The following DPP6 variants were observed in gnomAD, a reference collection of about 807,000 sequenced individuals.
DPP6 encodes A-type potassium channel modulatory protein DPP6.
DPP6 carries 69 observed loss-of-function variants against 122.6 expected under a neutral mutation model. The ratio of observed to expected loss-of-function variants is 0.56; its 90% CI spans 0.46 to 0.69. The LOEUF (loss-of-function observed/expected upper bound fraction) is 0.69. DPP6 is among the 30% of genes least tolerant of loss of function. The pLI, the probability that DPP6 is intolerant of heterozygous loss-of-function variation, is 0.00. For missense variants in DPP6, 928 were observed against 1,116.9 expected (o/e 0.83, Z 2.41); for synonymous variants, 418 against 433.1 (o/e 0.97, Z 0.43).
intron 1 of DPP6, among the ~76,000 whole-genome samples, chr7:154,005,638 C>T (rs1797880747): frequency 6.6e-6 from 1 of 150,826 alleles, no homozygotes; most frequent in African/African-American, 2.4e-5. Flanking sequence ...GGTGACGTCG[C>T]CCAGGAGGCT....
At chr7:154,256,684 G>A (rs1006449624) in intron 1 of DPP6, among the ~76,000 whole-genome samples, 1 of 152,152 alleles carries the variant, frequency 6.6e-6, no homozygotes, top group African/African-American at 2.4e-5. Flanking sequence ...CTCCTACACT[G>A]TGGTAAGTCC....
rs1381925814 is a variant in DPP6 at position 154,063,599 on chromosome 7, AGTG to A, written c.243+10537_243+10539del. Among the ~76,000 whole-genome samples, 567 of 62,206 alleles carry A rather than the reference AGTG, an allele frequency of 9.1e-3. 43 individuals carry two copies. The highest frequency in any genetic ancestry group is 0.05 in the East Asian group (123 of 2,482). The allele number at this position is 62,206 out of a possible 152,430, so 40.8% of individuals were successfully genotyped here. On this transcript the variant is annotated intron_variant, in intron 1 of 25. Transcript: ENST00000377770. ...CTCTGGCTGATAGTACCCCCATCGCAGTGAGGGAGGCACCCCCCACGAGGCAGG... is the reference window on the plus strand; with the variant it reads ...CTCTGGCTGATAGTACCCCCATCGCAAGGGAGGCACCCCCCACGAGGCAGG...
chr7:154,614,956 T>C (rs1284422712), intron 5 of DPP6, among the ~76,000 whole-genome samples: 1 of 152,224 alleles, frequency 6.6e-6, no homozygotes, highest in Non-Finnish European at 1.5e-5. Flanking sequence ...GGCAAATACA[T>C]GTGGAGTCCA....
At chr7:153,841,560 T>C in the DPP6 span, among the ~76,000 whole-genome samples, 1 of 152,210 alleles carries the variant, frequency 6.6e-6, no homozygotes, top group South Asian at 2.1e-4. Context: ...TCTTGTGAAA[T>C]AATGGGATGG....
At chr7:154,679,427 G>A (rs2131158935) in intron 7 of DPP6, among the ~76,000 whole-genome samples, 1 of 152,216 alleles carries the variant, frequency 6.6e-6, no homozygotes, top group African/African-American at 2.4e-5. Context: ...TCCAGTCCAG[G>A]AAGCCTGCAT....
Position 154,863,344 on chromosome 7 carries a change from ATT to A in DPP6, c.1715-4637_1715-4636del, listed in dbSNP as rs36007704. Among the ~76,000 whole-genome samples, 3 of 141,454 alleles carry A rather than the reference ATT, an allele frequency of 2.1e-5. No homozygotes were observed. Among genetic ancestry groups the A allele is most frequent in the Non-Finnish European group, 3.1e-5 (2 of 65,068 alleles). The allele number at this position is 141,454 out of a possible 152,430, so 92.8% of individuals were successfully genotyped here. A position where few individuals can be genotyped will look rare whatever the true frequency, so the allele number is the denominator to read the frequency against. On this transcript the variant is annotated intron_variant, in intron 17 of 25. Transcript: ENST00000377770. The surrounding 1 kb of genome is among the most constrained non-coding windows in gnomAD (Gnocchi z 4.1). ...CAAGATTCTACAATCCTTTCATAGG[ATT>A]TTTTTTTTTTTTTGAGATGGGGGTC...
At chr7:153,961,849 G>A (rs1253929828) in intron 1 of DPP6, among the ~76,000 whole-genome samples, 1 of 119,456 alleles carries the variant, frequency 8.4e-6, no homozygotes, top group Non-Finnish European at 1.6e-5. Flanking sequence ...ATCTGATGCT[G>A]CAGCTGATCT....
At chr7:154,168,663 C>G (rs954896165) in intron 1 of DPP6, among the ~76,000 whole-genome samples, 1 of 152,156 alleles carries the variant, frequency 6.6e-6, no homozygotes, top group Non-Finnish European at 1.5e-5. Flanking sequence ...ACAGTCTCTT[C>G]ATCATGGAAT....
At chr7:154,579,435 A>T (rs1257521400) in intron 5 of DPP6, among the ~76,000 whole-genome samples, 1 of 152,264 alleles carries the variant, frequency 6.6e-6, no homozygotes, top group Non-Finnish European at 1.5e-5. Flanking sequence ...ATTCATGAGG[A>T]GATTCGGTAG....
rs34826354 is a variant in DPP6 at position 153,908,029 on chromosome 7, G to GTTT, written c.51+20313_51+20315dup. Among the ~76,000 whole-genome samples, 430 of 113,846 alleles carry GTTT rather than the reference G, an allele frequency of 3.8e-3. 6 individuals carry two copies. The highest frequency in any genetic ancestry group is 0.026 in the Middle Eastern group (5 of 190). 74.7% of individuals were successfully genotyped at this position (113,846 alleles called of 152,430 possible). On this transcript the variant is annotated intron_variant, in intron 1 of 25. Coordinates refer to the DPP6 transcript ENST00000404039. ...CTGGATTGAAATTTAGAGGCTGGAAGTTTTTTTTTTTTTTTTTTTTGCTTA... is the reference window on the plus strand; with the variant it reads ...CTGGATTGAAATTTAGAGGCTGGAAGTTTTTTTTTTTTTTTTTTTTTTTGCTTA...
At chr7:154,854,367 C>A (rs1449668240) in intron 17 of DPP6, among the ~76,000 whole-genome samples, 1 of 152,140 alleles carries the variant, frequency 6.6e-6, no homozygotes, top group Non-Finnish European at 1.5e-5. Flanking sequence ...TTGAATACAG[C>A]AAGATCCCGT....
rs188720757 is a variant in DPP6, at chr7:154,077,369, A to G, written c.243+24306A>G. Among the ~76,000 whole-genome samples the G allele has an allele frequency of 4.3e-3, 649 of 152,224 alleles. 7 individuals carry two copies. Among genetic ancestry groups the G allele is most frequent in the African/African-American group, 0.014 (598 of 41,532 alleles). ...CTTGTCCTGAATCCCTGGACCCTTT[A>G]TTTTTCATCCCATAAAAACTTTCAG... On this transcript the variant is annotated intron_variant, in intron 1 of 25. Coordinates refer to ENST00000377770, the MANE Select transcript of DPP6 (RefSeq NM_130797.4).
At chr7:154,867,072 C>T (rs960985221) in intron 17 of DPP6, among the ~76,000 whole-genome samples, 1 of 150,686 alleles carries the variant, frequency 6.6e-6, no homozygotes, top group Non-Finnish European at 1.5e-5. Flanking sequence ...ACGCTTTAAA[C>T]AAATGCACAA....
Position 154,153,013 on chromosome 7 carries a change from A to T in DPP6, c.243+99950A>T, listed in dbSNP as rs374324765. 1.5e-3 allele frequency among the ~76,000 whole-genome samples: 221 copies of T among 152,352 alleles called. 4 individuals carry two copies. The South Asian group carries it at 0.044, about 30-fold the overall frequency. Reference sequence around the variant, plus strand: ...GTGTACATAAAAAGCATAAAACCCGATGAAGTGGCCTGCCTAAAAATTAAT... The same window carrying T: ...GTGTACATAAAAAGCATAAAACCCGTTGAAGTGGCCTGCCTAAAAATTAAT... On this transcript the variant is annotated intron_variant, in intron 1 of 25. Transcript: ENST00000377770.
chr7:153,818,253 C>T, the DPP6 span, among the ~76,000 whole-genome samples: 28 of 152,072 alleles, frequency 1.8e-4, no homozygotes, highest in African/African-American at 6.3e-4. Context: ...AAAGTGGCAG[C>T]ATGTGACACT....
the DPP6 span, among the ~76,000 whole-genome samples, chr7:153,837,967 C>T: frequency 2.0e-5 from 3 of 151,018 alleles, no homozygotes; most frequent in African/African-American, 7.3e-5. Context: ...AGCCACCATA[C>T]CTCTTTGTAG....
At chr7:154,790,650 G>A (rs1239069020) in intron 10 of DPP6, among the ~76,000 whole-genome samples, 2 of 152,054 alleles carry the variant, frequency 1.3e-5, no homozygotes, top group East Asian at 1.9e-4. Context: ...GTAGAACCAA[G>A]GCTTTCTCAG....
chr7:154,878,415 A>G (rs906512697), intron 20 of DPP6, among the ~76,000 whole-genome samples: 1 of 152,240 alleles, frequency 6.6e-6, no homozygotes, highest in African/African-American at 2.4e-5. Flanking sequence ...GACAACGGCA[A>G]AGCTTAGAGC....
chr7:153,859,615 C>T, the DPP6 span, among the ~76,000 whole-genome samples: 2 of 152,164 alleles, frequency 1.3e-5, no homozygotes, highest in East Asian at 3.9e-4. Context: ...TGCATGGAGA[C>T]ATGATGGTAC....
Sources: allele counts gnomAD v4.1 joint callset (sites outside exome capture counted in the v4.1 genomes callset), GRCh38; gene constraint gnomAD v4.1.1; non-coding constraint Gnocchi (gnomAD v3.1); transcripts MANE v1.5; gene names NCBI Gene and HGNC (gene_info 2026-07-23, HGNC 2026-07-21).